Variants in TIAM1 observed in about 807,000 individuals in gnomAD.
TIAM1 encodes TIAM Rac1 associated GEF 1, also known as rho guanine nucleotide exchange factor TIAM1.
In TIAM1, 65 loss-of-function variants were observed where a neutral mutation model predicts 163.5. The observed-to-expected ratio is 0.40, with a 90% CI of 0.33 to 0.49. The LOEUF (loss-of-function observed/expected upper bound fraction) is 0.49. Ranked by LOEUF, TIAM1 falls within the 20% of genes least tolerant of loss-of-function variation. TIAM1 has a pLI of 0.77. For missense variants in TIAM1, 1,789 were observed against 2,044.7 expected, an observed-to-expected ratio of 0.87 and a Z score of 2.41; for synonymous variants, 833 against 810.1, an observed-to-expected ratio of 1.03 and a Z score of -0.48.
intron 2 of TIAM1, among the ~76,000 whole-genome samples, chr21:31,310,897 G>A (rs986832622): frequency 2.0e-5 from 3 of 152,170 alleles, no homozygotes; most frequent in African/African-American, 7.2e-5. Flanking sequence ...CTACAGCAAA[G>A]CATACTTTGC....
chr21:31,401,055 C>T (rs1177046971), intron 2 of TIAM1, among the ~76,000 whole-genome samples: 1 of 152,010 alleles, frequency 6.6e-6, no homozygotes, highest in Non-Finnish European at 1.5e-5. Flanking sequence ...GAGCAAACTT[C>T]ATCTCAAAAT....
upstream of TIAM1, among the ~76,000 whole-genome samples, chr21:31,346,018 G>A (rs902502613): frequency 6.6e-6 from 1 of 152,054 alleles, no homozygotes; most frequent in Non-Finnish European, 1.5e-5. Context: ...TCCTTAGTTG[G>A]AGGTGAATTT....
chr21:31,384,401 C>CAAAAAAA (rs5843516), intron 2 of TIAM1, among the ~76,000 whole-genome samples: 1 of 107,830 alleles, frequency 9.3e-6, no homozygotes, highest in African/African-American at 3.4e-5. Flanking sequence ...CCCATCTCTA[C>CAAAAAAA]AAAAAAAAAA....
chr21:31,222,678 T>C (rs7277061), intron 8 of TIAM1, among the ~76,000 whole-genome samples: 1 of 38,416 alleles, frequency 2.6e-5, no homozygotes, highest in Admixed American at 5.3e-4. Flanking sequence ...TACACATACA[T>C]ATATATATAT....
At chr21:31,489,935 T>A (rs1279972377) in intron 1 of TIAM1, among the ~76,000 whole-genome samples, 4 of 151,942 alleles carry the variant, frequency 2.6e-5, no homozygotes, top group Non-Finnish European at 5.9e-5. Flanking sequence ...CTGGCAGGAG[T>A]AAGAGGAAAA....
chr21:31,345,522 A>G (rs902188668), upstream of TIAM1, among the ~76,000 whole-genome samples: 6 of 152,066 alleles, frequency 3.9e-5, no homozygotes, highest in Non-Finnish European at 7.4e-5. Flanking sequence ...ATGAACATGA[A>G]GAAAGAGATG....
rs1053034674 is a variant in TIAM1, at chr21:31,529,008, G to A, written c.-422+29919C>T. On this transcript the variant is annotated intron_variant, in intron 1 of 28. Coordinates refer to the TIAM1 transcript ENST00000286827. Reference sequence around the variant, plus strand: ...GCGATCTCAGCTCACTACAAGCTCCGCCTCCCGGGTTCACGCCATTCTCCC... The same window carrying A: ...GCGATCTCAGCTCACTACAAGCTCCACCTCCCGGGTTCACGCCATTCTCCC... Among the ~76,000 whole-genome samples, 367 of 146,362 alleles carry A rather than the reference G, an allele frequency of 2.5e-3. 3 individuals are homozygous for A. Among genetic ancestry groups the A allele is most frequent in the African/African-American group, 8.6e-3 (341 of 39,818 alleles).
intron 12 of TIAM1, among the ~76,000 whole-genome samples, chr21:31,197,256 TA>T (rs1197864584): frequency 6.6e-6 from 1 of 152,186 alleles, no homozygotes; most frequent in African/African-American, 2.4e-5. Context: ...TAAAATTATT[TA>T]AAAAATTTTT....
intron 2 of TIAM1, among the ~76,000 whole-genome samples, chr21:31,422,561 A>T (rs762162742): frequency 9.2e-5 from 14 of 152,090 alleles, no homozygotes; most frequent in Non-Finnish European, 1.5e-4. Flanking sequence ...AGCTGAACAT[A>T]CATATAACAA....
chr21:31,123,065 C>G (rs1376496134), intron 27 of TIAM1, among the ~76,000 whole-genome samples: 1 of 152,218 alleles, frequency 6.6e-6, no homozygotes, highest in African/African-American at 2.4e-5. Context: ...GCTATGACAT[C>G]AAGGCTTTCT....
chr21:31,418,448 C>T (rs1236956946), intron 2 of TIAM1, among the ~76,000 whole-genome samples: 1 of 151,286 alleles, frequency 6.6e-6, no homozygotes, highest in Non-Finnish European at 1.5e-5. Context: ...AATTAAACAG[C>T]TGCTGTTTTC....
chr21:31,430,219 AAAAAAAATATATATATAT>A (rs2043958167), intron 2 of TIAM1, among the ~76,000 whole-genome samples: 1 of 110,974 alleles, frequency 9.0e-6, no homozygotes, highest in African/African-American at 4.5e-5. Flanking sequence ...AGAAAAAAAA[AAAAAAAATATATATATAT>A]ATATATATAT....
chr21:31,479,436 AATGGAAGGATGG>A (rs1490118450), intron 1 of TIAM1, among the ~76,000 whole-genome samples: 155 of 144,036 alleles, frequency 1.1e-3, no homozygotes, highest in African/African-American at 3.9e-3. Context: ...CGGACGGATG[AATGGAAGGATGG>A]ATGGATAGAT....
intron 5 of TIAM1, among the ~76,000 whole-genome samples, chr21:31,250,164 A>G (rs1489570985): frequency 6.8e-6 from 1 of 147,840 alleles, no homozygotes; most frequent in East Asian, 1.9e-4. Context: ...AAAAAAAAAA[A>G]AAAAAAAGAA....
Position 31,523,511 on chromosome 21 carries a change from G to A in TIAM1, c.-422+35416C>T, listed in dbSNP as rs551061762. On this transcript the variant is annotated intron_variant, in intron 1 of 28. Transcript: ENST00000286827. ...CAGCATGAAATAGCAAAAGCTCCCA[G>A]ACATCAGGGATACAGCCTGAAGCCT... is the stretch of plus-strand genomic sequence containing the variant. 3.9e-5 allele frequency among the ~76,000 whole-genome samples: 6 copies of A among 152,326 alleles called. No homozygotes were observed. In the South Asian group the frequency reaches 1.0e-3, roughly 26 times the overall value.
chr21:31,452,558 G>A (rs924232725), intron 2 of TIAM1: 15 of 601,388 alleles, frequency 2.5e-5, no homozygotes, highest in Admixed American at 5.0e-5. Context: ...GGACACCTTC[G>A]TCACACAAAC....
chr21:31,212,537 G>T (rs138154733), intron 10 of TIAM1: 1 of 151,506 alleles, frequency 6.6e-6, no homozygotes, highest in African/African-American at 2.4e-5. Context: ...ATTTTTATGG[G>T]CTTTCAATCA....
In TIAM1 at chr21:31,141,870, C is replaced by T. The variant is rs1568904548; in HGVS notation, c.3476-366G>A. On this transcript the variant is annotated intron_variant, in intron 20 of 27. Transcript: ENST00000541036. The surrounding 1 kb of genome is among the most constrained non-coding windows in gnomAD (Gnocchi z 4.7). ...GTCCATGGGGAGACTGCCCCGCCCA[C>T]GCTGGCCAGTTCCTGGAGATAGTAA... 6.6e-6 allele frequency among the ~76,000 whole-genome samples: 1 copy of T among 152,156 alleles called. No individual in the cohort carries two copies. The highest frequency in any genetic ancestry group is 6.5e-5 in the Admixed American group (1 of 15,282).
chr21:31,509,643 G>A (rs1475879868), intron 1 of TIAM1, among the ~76,000 whole-genome samples: 3 of 152,210 alleles, frequency 2.0e-5, no homozygotes, highest in East Asian at 3.8e-4. Context: ...CCACAGAGAG[G>A]AGAGAGAGGC....
Sources: gnomAD v4.1 joint callset for allele counts (sites outside exome capture counted in the v4.1 genomes callset) on GRCh38, gnomAD v4.1.1 for gene constraint, Gnocchi (gnomAD v3.1) non-coding constraint, MANE v1.5 for transcripts, NCBI Gene and HGNC (gene_info 2026-07-23, HGNC 2026-07-21) for gene names.